SH3KBP1: variants seen among roughly 807,000 people sequenced by gnomAD.
The protein encoded by SH3KBP1 is SH3 domain containing kinase binding protein 1, also known as SH3 domain-containing kinase-binding protein 1.
SH3KBP1 carries 8 observed loss-of-function variants against 50.1 expected under a neutral mutation model. That is an observed-to-expected ratio of 0.16 (90% CI 0.09 to 0.29). The LOEUF (loss-of-function observed/expected upper bound fraction) is 0.29. Ranked by LOEUF, SH3KBP1 falls within the 10% of genes least tolerant of loss-of-function variation. The pLI is 1.00. For missense variants in SH3KBP1, 377 were observed against 535.2 expected, an observed-to-expected ratio of 0.70 and a Z score of 2.92; for synonymous variants, 227 against 218.6, an observed-to-expected ratio of 1.04 and a Z score of -0.34.
At chrX:19,769,744 T>C (rs2065730637) in intron 2 of SH3KBP1, among the ~76,000 whole-genome samples, 1 of 110,937 alleles carries the variant, frequency 9.0e-6, no homozygotes, top group Non-Finnish European at 1.9e-5. Flanking sequence ...GGATTTTCTC[T>C]CTAGTCAATA....
chrX:19,747,604 G>T (rs1477930311), intron 2 of SH3KBP1: 1 of 340,029 alleles, frequency 2.9e-6, no homozygotes, highest in East Asian at 9.8e-5. Flanking sequence ...AGCAACAAAA[G>T]TTTGTCAAAA....
In SH3KBP1 at chrX:19,759,823, A is replaced by C. The variant is rs2065322723; in HGVS notation, c.163-13382T>G. Among the ~76,000 whole-genome samples the C allele has an allele frequency of 2.7e-5, 3 of 111,696 alleles. No homozygotes were observed. In the South Asian group the frequency reaches 1.1e-3, roughly 42 times the overall value. On this transcript the variant is annotated intron_variant, in intron 2 of 17. Coordinates refer to ENST00000397821, the MANE Select transcript of SH3KBP1 (RefSeq NM_031892.3). ...TCAAATGCTAAACTGTACAATCAGC[A>C]GCAAATTCCTAAGTAATGAAGCATT...
Position 19,759,515 on chromosome X carries a change from C to T in SH3KBP1, c.163-13074G>A, listed in dbSNP as rs1274208316. ...AAGAATGTTTATACACATTTATATC[C>T]AGGATAACTCGATTGTCAAGAATAA... On this transcript the variant is annotated intron_variant, in intron 2 of 17. Coordinates refer to ENST00000397821, the MANE Select transcript of SH3KBP1 (RefSeq NM_031892.3). Among the ~76,000 whole-genome samples the T allele has an allele frequency of 3.6e-5, 4 of 111,907 alleles. No individual in the cohort carries two copies. The Middle Eastern group carries it at 0.014, about 389-fold the overall frequency.
At chrX:19,659,109 ATT>A (rs147804094) in intron 6 of SH3KBP1, among the ~76,000 whole-genome samples, 130 of 57,320 alleles carry the variant, frequency 2.3e-3, no homozygotes, top group South Asian at 0.019. Flanking sequence ...TGCCCAGCTA[ATT>A]TTTTTTTTTT....
At chrX:19,564,028 T>C (rs2065763040) in intron 13 of SH3KBP1, among the ~76,000 whole-genome samples, 1 of 111,566 alleles carries the variant, frequency 9.0e-6, no homozygotes, top group Non-Finnish European at 1.9e-5. Context: ...TCTTGTTTTA[T>C]TGAACCTGAG....
At chrX:19,872,944 C>A (rs1467996131) in intron 1 of SH3KBP1, among the ~76,000 whole-genome samples, 1 of 109,025 alleles carries the variant, frequency 9.2e-6, no homozygotes, top group Non-Finnish European at 1.9e-5. Flanking sequence ...ACATGGAGGA[C>A]AAGTACCCTG....
intron 1 of SH3KBP1, among the ~76,000 whole-genome samples, chrX:19,868,490 A>C (rs2068964800): frequency 2.7e-5 from 3 of 109,169 alleles, no homozygotes; most frequent in Non-Finnish European, 5.7e-5. Flanking sequence ...AACACTTAAA[A>C]TATATCCACA....
chrX:19,628,442 G>T (rs976981854), intron 8 of SH3KBP1, among the ~76,000 whole-genome samples: 5 of 111,215 alleles, frequency 4.5e-5, no homozygotes, highest in Non-Finnish European at 7.5e-5. Context: ...CAGACTCAGA[G>T]GGGGTAAGCA....
intron 2 of SH3KBP1, among the ~76,000 whole-genome samples, chrX:19,773,017 C>G (rs1378201103): frequency 8.9e-6 from 1 of 111,768 alleles, no homozygotes; most frequent in Non-Finnish European, 1.9e-5. Context: ...GTGGGAGAGG[C>G]AGACCCATAG....
At chrX:19,707,492 A>G (rs1184004161) in intron 3 of SH3KBP1, among the ~76,000 whole-genome samples, 3 of 111,534 alleles carry the variant, frequency 2.7e-5, no homozygotes, top group Non-Finnish European at 1.9e-5. Context: ...CTGATAAGTG[A>G]AGGCTGATTA....
At chrX:19,554,558 C>T (rs1393691062) in intron 13 of SH3KBP1, among the ~76,000 whole-genome samples, 2 of 107,899 alleles carry the variant, frequency 1.9e-5, no homozygotes, top group African/African-American at 6.7e-5. Context: ...CGCGCCACCA[C>T]ACCTGGCTAA....
intron 7 of SH3KBP1, among the ~76,000 whole-genome samples, chrX:19,640,580 C>T (rs939870633): frequency 3.7e-5 from 4 of 108,883 alleles, no homozygotes; most frequent in Non-Finnish European, 7.6e-5. Flanking sequence ...GCCAATAAAC[C>T]TGAATTCGTC....
intron 2 of SH3KBP1, among the ~76,000 whole-genome samples, chrX:19,795,368 T>C (rs968891360): frequency 8.9e-6 from 1 of 112,238 alleles, no homozygotes; most frequent in Non-Finnish European, 1.9e-5. Context: ...GGCTTGGTGC[T>C]GTAATCACAA....
chrX:19,670,710 C>T (rs1172623949), intron 6 of SH3KBP1, among the ~76,000 whole-genome samples: 2 of 109,945 alleles, frequency 1.8e-5, no homozygotes, highest in Non-Finnish European at 1.9e-5. Flanking sequence ...CCATAGCTCC[C>T]CTCTGTGGGA....
intron 1 of SH3KBP1, among the ~76,000 whole-genome samples, chrX:19,872,553 C>T (rs761243371): frequency 1.8e-5 from 2 of 109,522 alleles, no homozygotes; most frequent in African/African-American, 6.7e-5. Context: ...GGGCGGATCA[C>T]GAGGTCAGGA....
chrX:19,664,467 C>A (rs1211573650), intron 6 of SH3KBP1, among the ~76,000 whole-genome samples: 2 of 111,243 alleles, frequency 1.8e-5, no homozygotes, highest in African/African-American at 6.5e-5. Flanking sequence ...CCAGCTGTAT[C>A]TCTTTCAGCC....
At chrX:19,808,918 A>T (rs1385220856) in intron 2 of SH3KBP1, among the ~76,000 whole-genome samples, 2 of 111,857 alleles carry the variant, frequency 1.8e-5, no homozygotes, top group Non-Finnish European at 3.8e-5. Flanking sequence ...CTACTTATTT[A>T]TTTTTTTAAG....
At chrX:19,842,306 T>C (rs1204904294) in intron 1 of SH3KBP1, among the ~76,000 whole-genome samples, 1 of 112,061 alleles carries the variant, frequency 8.9e-6, no homozygotes, top group Non-Finnish European at 1.9e-5. Context: ...GGCGGGCAGA[T>C]CACAAGGTCA....
At position 19,535,818 on chromosome X, in the gene SH3KBP1, T is replaced by C. The variant is rs1468049732; in HGVS notation, c.*599A>G. 8.9e-6 allele frequency: 1 copy of C among 112,095 alleles called. No homozygotes were observed. The highest frequency in any genetic ancestry group is 1.9e-5 in the Non-Finnish European group (1 of 53,190). The allele number at this position is 112,095 out of a possible 1,213,427, so 9.2% of individuals were successfully genotyped here. Reference sequence around the variant, plus strand: ...ACCAGATTTTCTCTTTCTCTTTTTGTAAATATACCGTCATATATAAGCTAA... The same window carrying C: ...ACCAGATTTTCTCTTTCTCTTTTTGCAAATATACCGTCATATATAAGCTAA... On this transcript the variant is annotated 3_prime_UTR_variant, in exon 18 of 18. Transcript: ENST00000397821.
Sources: gnomAD v4.1 joint callset for allele counts (sites outside exome capture counted in the v4.1 genomes callset) on GRCh38, gnomAD v4.1.1 for gene constraint, MANE v1.5 for transcripts, NCBI Gene and HGNC (gene_info 2026-07-23, HGNC 2026-07-21) for gene names.